GMDS: variants seen among roughly 807,000 people sequenced by gnomAD.
GMDS encodes the protein GDP-mannose 4,6-dehydratase.
Under a neutral mutation model 49.9 loss-of-function variants are expected in GMDS, and 20 were observed. The ratio of observed to expected loss-of-function variants is 0.40; its 90% confidence interval spans 0.28 to 0.58. GMDS has a LOEUF of 0.58. Among genes scored for constraint, GMDS ranks in the 20% least tolerant of loss-of-function variants. The pLI is 0.42. For synonymous variants in GMDS, 177 were observed against 178.6 expected (o/e 0.99, Z 0.07); for missense variants, 362 against 481.4 (o/e 0.75, Z 2.32).
chr6:1,957,581 C>G (rs1212939272), intron 6 of GMDS, among the ~76,000 whole-genome samples: 7 of 152,070 alleles, frequency 4.6e-5, no homozygotes, highest in Non-Finnish European at 1.0e-4. Flanking sequence ...GTGTATGCTA[C>G]AGTTGAGGTC....
At chr6:2,027,045 T>C (rs1768645237) in intron 4 of GMDS, among the ~76,000 whole-genome samples, 1 of 152,122 alleles carries the variant, frequency 6.6e-6, no homozygotes, top group Non-Finnish European at 1.5e-5. Flanking sequence ...ATCAAAAGCA[T>C]AATGGTAAAC....
chr6:2,186,957 C>T (rs1390256380), intron 1 of GMDS, among the ~76,000 whole-genome samples: 1 of 152,194 alleles, frequency 6.6e-6, no homozygotes, highest in Non-Finnish European at 1.5e-5. Context: ...TAGTGATTCT[C>T]TATGTTTAAA....
intron 9 of GMDS, among the ~76,000 whole-genome samples, chr6:1,706,202 G>T (rs1765729489): frequency 6.6e-6 from 1 of 152,220 alleles, no homozygotes; most frequent in Non-Finnish European, 1.5e-5. Context: ...TATTGTGTAT[G>T]ATCAGATGTG....
intron 4 of GMDS, among the ~76,000 whole-genome samples, chr6:2,006,248 T>C (rs1651680169): frequency 7.1e-6 from 1 of 140,234 alleles, no homozygotes; most frequent in South Asian, 2.4e-4. Flanking sequence ...ACAGGGAGAA[T>C]TTGACTCTGC....
chr6:1,918,771 TA>T (rs1247538367), intron 7 of GMDS, among the ~76,000 whole-genome samples: 2 of 151,946 alleles, frequency 1.3e-5, no homozygotes, highest in African/African-American at 4.8e-5. Flanking sequence ...AAATCAAAAG[TA>T]AAAATAAAGC....
intron 8 of GMDS, among the ~76,000 whole-genome samples, chr6:1,738,558 G>T (rs1216672875): frequency 3.9e-5 from 6 of 152,200 alleles, no homozygotes; most frequent in African/African-American, 1.4e-4. Context: ...AGACAGCAGA[G>T]CTTAGAATAG....
chr6:2,047,782 C>T (rs1416932150), intron 4 of GMDS, among the ~76,000 whole-genome samples: 1 of 152,184 alleles, frequency 6.6e-6, no homozygotes, highest in Non-Finnish European at 1.5e-5. Context: ...AGCCACTGCA[C>T]TCAGCCCGTT....
chr6:1,986,833 A>AT (rs1265454755), intron 4 of GMDS, among the ~76,000 whole-genome samples: 2 of 152,134 alleles, frequency 1.3e-5, no homozygotes, highest in African/African-American at 2.4e-5. Flanking sequence ...ATTATTCAAA[A>AT]TTTTTTTAGC....
At chr6:1,717,820 T>G (rs1766227003) in intron 9 of GMDS, among the ~76,000 whole-genome samples, 1 of 152,192 alleles carries the variant, frequency 6.6e-6, no homozygotes, top group Non-Finnish European at 1.5e-5. Flanking sequence ...TACCTTACAC[T>G]TATAAAAGCC....
chr6:2,160,773 C>G (rs1777358932), intron 1 of GMDS, among the ~76,000 whole-genome samples: 1 of 152,124 alleles, frequency 6.6e-6, no homozygotes. Context: ...AGCTATCCAC[C>G]CACCTCGGCC....
intron 4 of GMDS, among the ~76,000 whole-genome samples, chr6:1,975,449 C>T (rs1317478729): frequency 2.0e-5 from 3 of 152,182 alleles, no homozygotes; most frequent in Non-Finnish European, 4.4e-5. Context: ...CCTCCCACCC[C>T]ACTATAATCA....
At chr6:2,013,544 A>T (rs544891119) in intron 4 of GMDS, among the ~76,000 whole-genome samples, 1 of 152,126 alleles carries the variant, frequency 6.6e-6, no homozygotes, top group Non-Finnish European at 1.5e-5. Flanking sequence ...TATTTTAGGA[A>T]ACTTAATGGA....
chr6:2,014,061 G>A (rs1767742589), intron 4 of GMDS, among the ~76,000 whole-genome samples: 1 of 147,784 alleles, frequency 6.8e-6, no homozygotes, highest in African/African-American at 2.5e-5. Context: ...ATATTTAAAA[G>A]TATTAAAAGA....
intron 7 of GMDS, among the ~76,000 whole-genome samples, chr6:1,905,748 A>G (rs71550095): frequency 5.6e-4 from 67 of 120,438 alleles, no homozygotes; most frequent in African/African-American, 2.2e-3. Flanking sequence ...TGTAGGTGGG[A>G]CCTCAAAGGT....
intron 9 of GMDS, among the ~76,000 whole-genome samples, chr6:1,639,112 G>T (rs1049588655): frequency 6.6e-6 from 1 of 152,186 alleles, no homozygotes; most frequent in Non-Finnish European, 1.5e-5. Flanking sequence ...AAGGAGGTGG[G>T]TGCCTGTGGA....
intron 1 of GMDS, among the ~76,000 whole-genome samples, chr6:2,220,768 G>A (rs1244094619): frequency 2.7e-5 from 4 of 150,666 alleles, no homozygotes; most frequent in East Asian, 1.9e-4. Context: ...TTTCAAAATC[G>A]GAAAAAAAAA....
chr6:1,649,274 C>T (rs1763580660), intron 9 of GMDS, among the ~76,000 whole-genome samples: 1 of 152,146 alleles, frequency 6.6e-6, no homozygotes, highest in South Asian at 2.1e-4. Flanking sequence ...TACAGTCTTG[C>T]TGTGATTCAC....
At chr6:1,712,332 T>C (rs1319598222) in intron 9 of GMDS, among the ~76,000 whole-genome samples, 1 of 152,228 alleles carries the variant, frequency 6.6e-6, no homozygotes, top group Non-Finnish European at 1.5e-5. Context: ...TAATCATCCT[T>C]CACTTAGGAG....
At chr6:2,117,643 T>A in intron 2 of GMDS, 87 bp from the exon 3 acceptor site, 1 of 767,538 alleles carries the variant, frequency 1.3e-6, no homozygotes, top group South Asian at 1.5e-5. Context: ...ATGAAAAAAA[T>A]GATTTGTAAG....
Sources: gnomAD v4.1 joint callset for allele counts (sites outside exome capture counted in the v4.1 genomes callset) on GRCh38, gnomAD v4.1.1 for gene constraint, MANE v1.5 for transcripts, NCBI Gene and HGNC (gene_info 2026-07-23, HGNC 2026-07-21) for gene names.